The following BBX variants were observed in gnomAD, a reference collection of about 807,000 sequenced individuals.
BBX encodes the protein HMG box transcription factor BBX.
A neutral mutation model predicts 100.2 loss-of-function variants in BBX; 30 were observed. That is an observed-to-expected ratio of 0.30 (90% confidence interval 0.22 to 0.41). The LOEUF (loss-of-function observed/expected upper bound fraction) is 0.41. Among genes scored for constraint, BBX ranks in the 10% least tolerant of loss-of-function variants. The probability of loss-of-function intolerance (pLI) is 1.00; values close to 1 mark genes in which losing one functional copy is unlikely to be tolerated. For synonymous variants in BBX, 376 were observed against 388.1 expected, an observed-to-expected ratio of 0.97 and a Z score of 0.37; for missense variants, 1,023 against 1,129.8, an observed-to-expected ratio of 0.91 and a Z score of 1.35.
At chr3:107,799,812 G>T (rs2070223270) in intron 16 of BBX, among the ~76,000 whole-genome samples, 1 of 152,102 alleles carries the variant, frequency 6.6e-6, no homozygotes, top group Non-Finnish European at 1.5e-5. Context: ...TAGCCTCTTT[G>T]GCAGTAGAAT....
intron 2 of BBX, among the ~76,000 whole-genome samples, chr3:107,536,982 G>A (rs1218632891): frequency 1.3e-5 from 2 of 152,174 alleles, no homozygotes; most frequent in African/African-American, 2.4e-5. Flanking sequence ...AATATGGGAC[G>A]AGTTTCTTAC....
Position 107,776,105 on chromosome 3 carries a change from T to C in BBX, c.2054+1248T>C, listed in dbSNP as rs2067298147. The C allele has an allele frequency of 1.3e-5, 2 of 152,246 alleles. 1 individual carries two copies. The highest frequency in any genetic ancestry group is 4.8e-5 in the African/African-American group (2 of 41,558). 9.4% of individuals were successfully genotyped at this position (152,246 alleles called of 1,614,324 possible). On this transcript the variant is annotated intron_variant, in intron 12 of 17. Coordinates refer to ENST00000325805, the MANE Select transcript of BBX (RefSeq NM_001142568.3). ...AATGACCTGCAAGCATCTAGACCAGTGCTCTCTGTAGTCTGGAATTACTGC... is the reference window on the plus strand; with the variant it reads ...AATGACCTGCAAGCATCTAGACCAGCGCTCTCTGTAGTCTGGAATTACTGC...
intron 2 of BBX, among the ~76,000 whole-genome samples, chr3:107,636,666 A>G (rs1255875115): frequency 2.0e-5 from 3 of 152,202 alleles, no homozygotes; most frequent in Non-Finnish European, 4.4e-5. Flanking sequence ...GTGGGTTGCT[A>G]CACTGGAATT....
chr3:107,566,427 C>T (rs1467404519), intron 2 of BBX, among the ~76,000 whole-genome samples: 2 of 152,056 alleles, frequency 1.3e-5, no homozygotes, highest in Non-Finnish European at 2.9e-5. Flanking sequence ...CAGCTTCTAG[C>T]ACAGGGTTAA....
In BBX at chr3:107,733,020, A is replaced by C. The variant is rs376024169; in HGVS notation, c.666A>C (p.Pro222=). 59 of 1,612,530 alleles carry C rather than the reference A, an allele frequency of 3.7e-5. No individual in the cohort carries two copies. Among genetic ancestry groups the C allele is most frequent in the Non-Finnish European group, 4.5e-5 (53 of 1,179,262 alleles). Residue 222 remains proline, a synonymous_variant, in exon 7 of 18, where the codon CCA becomes CCC. Coordinates refer to ENST00000325805, the MANE Select transcript of BBX (RefSeq NM_001142568.3). ...CTGGAGAACATGCTCTTGGCACACC[A>C]GAGGTAAGCCAGTCCTTTTCCGTCT... is the stretch of plus-strand genomic sequence containing the variant. ...LLAGEHALGT[P]EVSSGTCRPD... is the part of the protein sequence containing the mutation.
chr3:107,585,218 G>A (rs1439242493), intron 2 of BBX, among the ~76,000 whole-genome samples: 1 of 152,154 alleles, frequency 6.6e-6, no homozygotes, highest in Admixed American at 6.5e-5. Flanking sequence ...ATGATGTGGA[G>A]AGGTGTTCTG....
At chr3:107,789,913 G>A in intron 14 of BBX, 37 bp downstream of exon 14, 1 of 1,459,240 alleles carries the variant, frequency 6.9e-7, no homozygotes, top group Non-Finnish European at 9.4e-7. Flanking sequence ...AGGGTTCTTG[G>A]TCACCTCCAT....
intron 3 of BBX, among the ~76,000 whole-genome samples, chr3:107,675,838 G>T (rs577549791): frequency 5.3e-5 from 8 of 152,248 alleles, no homozygotes; most frequent in African/African-American, 1.7e-4. Flanking sequence ...TGGGGGACAA[G>T]ATGATCTCCA....
intron 17 of BBX, 61 bp downstream of exon 17, chr3:107,801,342 G>T: frequency 1.3e-6 from 2 of 1,548,392 alleles, no homozygotes; most frequent in Non-Finnish European, 1.7e-6. Flanking sequence ...TCTTTGATGT[G>T]ATTTGTGACA....
intron 5 of BBX, among the ~76,000 whole-genome samples, chr3:107,717,929 T>C (rs2062220268): frequency 1.3e-5 from 2 of 152,104 alleles, no homozygotes; most frequent in South Asian, 4.2e-4. Context: ...GGTTAAGTTT[T>C]ATCAAAAAAT....
chr3:107,711,294 A>G (rs1443882190), intron 4 of BBX: 1 of 471,102 alleles, frequency 2.1e-6, no homozygotes. Flanking sequence ...GAAGCTCAGT[A>G]TAAGAACAGG....
chr3:107,746,602 C>T lies in BBX; in HGVS notation c.751-1363C>T, dbSNP rs1402127679. ...TCAGCAGTGAATACAATTAATTACT[C>T]AGTCAGTCTCTCTACTAATTTTTTT... is the stretch of plus-strand genomic sequence containing the variant. On this transcript the variant is annotated intron_variant, in intron 8 of 17. Coordinates refer to ENST00000325805, the MANE Select transcript of BBX (RefSeq NM_001142568.3). Among the ~76,000 whole-genome samples the T allele has an allele frequency of 2.6e-5, 4 of 151,958 alleles. No individual in the cohort carries two copies. In the East Asian group the frequency reaches 5.8e-4, roughly 22 times the overall value.
chr3:107,752,948 C>G (rs1026335192), intron 9 of BBX, among the ~76,000 whole-genome samples: 2 of 152,126 alleles, frequency 1.3e-5, no homozygotes, highest in African/African-American at 4.8e-5. Context: ...ACAGCATGGG[C>G]AGGAGTGAAC....
intron 3 of BBX, among the ~76,000 whole-genome samples, chr3:107,665,499 T>C (rs1043551398): frequency 2.0e-5 from 3 of 152,302 alleles, no homozygotes; most frequent in Non-Finnish European, 4.4e-5. Context: ...TCTACCTTAC[T>C]GAGCTTTAGG....
intron 10 of BBX, among the ~76,000 whole-genome samples, chr3:107,760,160 G>A (rs950907031): frequency 2.6e-5 from 4 of 152,174 alleles, no homozygotes; most frequent in Admixed American, 1.3e-4. Context: ...CAGGAACCCA[G>A]GCAGACTGTC....
intron 3 of BBX, among the ~76,000 whole-genome samples, chr3:107,693,609 G>A (rs1345275985): frequency 1.3e-5 from 2 of 151,772 alleles, no homozygotes; most frequent in African/African-American, 2.4e-5. Context: ...TAGCCTTGTA[G>A]TATAGTTTGA....
At chr3:107,523,575 G>A (rs2047521416) in intron 1 of BBX, 1 of 152,766 alleles carries the variant, frequency 6.5e-6, no homozygotes, top group African/African-American at 2.4e-5. Flanking sequence ...GCGGCCCCAG[G>A]AAAACAACAA....
intron 5 of BBX, among the ~76,000 whole-genome samples, chr3:107,728,539 A>G (rs558109083): frequency 7.6e-4 from 116 of 152,288 alleles, no homozygotes; most frequent in African/African-American, 2.6e-3. Flanking sequence ...AAATAACACA[A>G]AGTATACAGC....
At chr3:107,652,583 AT>A (rs1441283623) in intron 3 of BBX, among the ~76,000 whole-genome samples, 1 of 152,224 alleles carries the variant, frequency 6.6e-6, no homozygotes, top group Non-Finnish European at 1.5e-5. Flanking sequence ...CAATCTAATG[AT>A]TGTGAAATTC....
Sources: gnomAD v4.1 joint callset for allele counts (sites outside exome capture counted in the v4.1 genomes callset) on GRCh38, gnomAD v4.1.1 for gene constraint, MANE v1.5 for transcripts, NCBI Gene and HGNC (gene_info 2026-07-23, HGNC 2026-07-21) for gene names.